The following RIMS2 variants were observed in gnomAD, a reference collection of about 807,000 sequenced individuals.
The protein encoded by RIMS2 is regulating synaptic membrane exocytosis 2, also known as regulating synaptic membrane exocytosis protein 2.
RIMS2 carries 59 observed loss-of-function variants against 174.4 expected under a neutral mutation model. The observed-to-expected ratio is 0.34, with a 90% CI of 0.27 to 0.42. RIMS2 has a LOEUF of 0.42. Among genes scored for constraint, RIMS2 ranks in the 10% least tolerant of loss-of-function variants. The pLI is 1.00. For synonymous variants in RIMS2, 606 were observed against 572.5 expected (o/e 1.06, Z -0.84); for missense variants, 1,620 against 1,666.3 (o/e 0.97, Z 0.48).
intron 6 of RIMS2, among the ~76,000 whole-genome samples, chr8:103,913,140 T>G (rs1294681036): frequency 7.2e-6 from 1 of 139,276 alleles, no homozygotes; most frequent in East Asian, 2.0e-4. Flanking sequence ...ACCCAGCTAT[T>G]TTTTTTTTTT....
chr8:103,703,217 G>A (rs556023559), intron 2 of RIMS2, among the ~76,000 whole-genome samples: 19 of 151,500 alleles, frequency 1.3e-4, no homozygotes, highest in South Asian at 8.4e-4. Flanking sequence ...TCACACTTCC[G>A]TCATTGTTTT....
At chr8:104,051,413 A>G (rs1047790435) in intron 19 of RIMS2, among the ~76,000 whole-genome samples, 4 of 152,160 alleles carry the variant, frequency 2.6e-5, no homozygotes, top group African/African-American at 9.7e-5. Context: ...TATAGATTAT[A>G]GATCGTGCTG....
intron 17 of RIMS2, among the ~76,000 whole-genome samples, chr8:104,002,723 A>G (rs2095435655): frequency 6.6e-6 from 1 of 152,200 alleles, no homozygotes; most frequent in Admixed American, 6.5e-5. Context: ...TGGCATCCCC[A>G]GTTATGCCCA....
At chr8:103,886,125 A>G in exon 4 of RIMS2, 2 of 1,613,096 alleles carry the variant, frequency 1.2e-6, no homozygotes, top group Non-Finnish European at 8.5e-7. Flanking sequence ...AAAATGCGCC[A>G]GATTTCGTTG....
At chr8:103,809,604 A>G (rs2098673794) in intron 3 of RIMS2, among the ~76,000 whole-genome samples, 1 of 152,118 alleles carries the variant, frequency 6.6e-6, no homozygotes, top group East Asian at 1.9e-4. Context: ...AATTTTGAAC[A>G]GTGATTTATT....
At chr8:103,714,892 A>G (rs2097350288) in intron 2 of RIMS2, among the ~76,000 whole-genome samples, 1 of 152,162 alleles carries the variant, frequency 6.6e-6, no homozygotes, top group Non-Finnish European at 1.5e-5. Flanking sequence ...ATTTTTTTAG[A>G]TAATAAAATA....
At chr8:103,526,725 T>C (rs1292065955) in intron 1 of RIMS2, among the ~76,000 whole-genome samples, 2 of 152,162 alleles carry the variant, frequency 1.3e-5, no homozygotes, top group Admixed American at 6.5e-5. Context: ...TGAGAAAATA[T>C]GTGTAATAAA....
At chr8:104,171,664 G>A (rs2098833224) in intron 19 of RIMS2, among the ~76,000 whole-genome samples, 1 of 151,946 alleles carries the variant, frequency 6.6e-6, no homozygotes, top group African/African-American at 2.4e-5. Flanking sequence ...TTTTGGTTTG[G>A]ATCCATTACA....
intron 2 of RIMS2, among the ~76,000 whole-genome samples, chr8:103,731,112 A>G (rs539526156): frequency 3.3e-5 from 5 of 152,148 alleles, no homozygotes; most frequent in Non-Finnish European, 7.4e-5. Context: ...GACCCACCGC[A>G]TGATTCAATT....
At chr8:103,597,109 A>G (rs2094507078) in intron 1 of RIMS2, among the ~76,000 whole-genome samples, 1 of 152,212 alleles carries the variant, frequency 6.6e-6, no homozygotes, top group Non-Finnish European at 1.5e-5. Context: ...ACAGATTAAG[A>G]ACATATGCTT....
intron 3 of RIMS2, among the ~76,000 whole-genome samples, 174 bp downstream of exon 6, chr8:103,766,711 T>G (rs1309483015): frequency 6.6e-6 from 1 of 152,200 alleles, no homozygotes; most frequent in African/African-American, 2.4e-5. Flanking sequence ...ATCATAGGTT[T>G]GAACTATCTT....
rs75386755 is a variant in RIMS2 at position 103,904,579 on chromosome 8, A to G, written c.1625-5555A>G. Reference sequence around the variant, plus strand: ...GTAATTATTTTCCTTTAACTTTTTAATATGTGGATCACACTGATTTTCAAA... The same window carrying G: ...GTAATTATTTTCCTTTAACTTTTTAGTATGTGGATCACACTGATTTTCAAA... On this transcript the variant is annotated intron_variant, in intron 4 of 23. Coordinates refer to ENST00000504942, the Ensembl canonical transcript of RIMS2. Among the ~76,000 whole-genome samples, 853 of 152,118 alleles carry G rather than the reference A, an allele frequency of 5.6e-3. 43 individuals are homozygous for G. In the East Asian group the frequency reaches 0.12, roughly 21 times the overall value.
rs557257250 is a variant in RIMS2 at position 103,545,256 on chromosome 8, CCAAA to C, written c.176+44197_176+44200del. ...TTACAAGTATTCACAGCAGAATCAA[CCAAA>C]CAGAGGAAAGAATCTCAGAGGTGAA... On this transcript the variant is annotated intron_variant, in intron 1 of 23. Transcript: ENST00000504942. Among the ~76,000 whole-genome samples, 434 of 152,106 alleles carry C rather than the reference CCAAA, an allele frequency of 2.9e-3. 1 individual carries two copies. The highest frequency in any genetic ancestry group is 0.01 in the Middle Eastern group (3 of 294).
At chr8:103,701,229 C>T (rs1456796343) in intron 2 of RIMS2, among the ~76,000 whole-genome samples, 2 of 151,832 alleles carry the variant, frequency 1.3e-5, no homozygotes, top group Non-Finnish European at 2.9e-5. Flanking sequence ...GATATTTTTG[C>T]TGATTGTGGA....
chr8:103,918,333 T>C, intron 8 of RIMS2, 108 bp from the exon 12 acceptor site: 1 of 611,958 alleles, frequency 1.6e-6, no homozygotes, highest in Non-Finnish European at 2.8e-6. Context: ...ATACACAGTT[T>C]TCTTCATTTT....
chr8:103,688,093 C>G (rs1319656748), intron 1 of RIMS2, among the ~76,000 whole-genome samples: 1 of 152,002 alleles, frequency 6.6e-6, no homozygotes, highest in Non-Finnish European at 1.5e-5. Flanking sequence ...TTATTTCTTT[C>G]TTATGCTTAA....
intron 15 of RIMS2, among the ~76,000 whole-genome samples, chr8:103,966,339 T>G (rs2091822284): frequency 6.6e-6 from 1 of 152,152 alleles, no homozygotes. Flanking sequence ...TCTGTTTTTG[T>G]TTGAATTTGA....
chr8:103,804,985 G>A (rs916239855), intron 3 of RIMS2, among the ~76,000 whole-genome samples: 8 of 151,736 alleles, frequency 5.3e-5, no homozygotes, highest in African/African-American at 1.5e-4. Context: ...TGTTAAGATG[G>A]GGTCTGACTA....
chr8:104,110,809 A>G (rs909466023), intron 19 of RIMS2, among the ~76,000 whole-genome samples: 1 of 152,208 alleles, frequency 6.6e-6, no homozygotes, highest in Non-Finnish European at 1.5e-5. Context: ...TCTCATCAAC[A>G]TTCACAGCAT....
Sources: gnomAD v4.1 joint callset for allele counts (sites outside exome capture counted in the v4.1 genomes callset) on GRCh38, gnomAD v4.1.1 for gene constraint, MANE v1.5 for transcripts, NCBI Gene and HGNC (gene_info 2026-07-23, HGNC 2026-07-21) for gene names.